EXOC4: variants seen among roughly 807,000 people sequenced by gnomAD.
EXOC4 encodes SEC8-like 1.
In EXOC4, 71 loss-of-function variants were observed where a neutral mutation model predicts 107.2. That is an observed-to-expected ratio of 0.66 (90% confidence interval 0.55 to 0.81). The LOEUF (loss-of-function observed/expected upper bound fraction) is 0.81. EXOC4 is among the 30% of genes least tolerant of loss of function. The probability of loss-of-function intolerance (pLI) is 0.00; values close to 1 mark genes in which losing one functional copy is unlikely to be tolerated. For synonymous variants in EXOC4, 456 were observed against 441.2 expected, an observed-to-expected ratio of 1.03 and a Z score of -0.42; for missense variants, 1,108 against 1,189.6, an observed-to-expected ratio of 0.93 and a Z score of 1.01.
At chr7:134,038,193 CATTCAACTG>C (rs1438836267) in intron 17 of EXOC4, among the ~76,000 whole-genome samples, 1 of 152,196 alleles carries the variant, frequency 6.6e-6, no homozygotes, top group Non-Finnish European at 1.5e-5. Context: ...TGTCTGAACT[CATTCAACTG>C]AGAGGCATCT....
chr7:133,512,168 G>A (rs1185612253), intron 9 of EXOC4, among the ~76,000 whole-genome samples: 3 of 152,302 alleles, frequency 2.0e-5, no homozygotes, highest in South Asian at 2.1e-4. Context: ...GGTGGCTCAC[G>A]CCTGTAATCC....
intron 12 of EXOC4, among the ~76,000 whole-genome samples, chr7:133,912,301 C>G (rs955392559): frequency 2.0e-5 from 3 of 152,100 alleles, no homozygotes; most frequent in African/African-American, 7.2e-5. Context: ...GGAGACTTTC[C>G]AATAATAGGC....
chr7:133,971,355 TATATATAGAGAG>T (rs1274907795), intron 14 of EXOC4, among the ~76,000 whole-genome samples: 22 of 101,708 alleles, frequency 2.2e-4, no homozygotes, highest in Non-Finnish European at 1.1e-4. Flanking sequence ...TATATATATA[TATATATAGAGAG>T]AGAGAGAGAG....
At chr7:133,698,655 A>G (rs928677118) in intron 10 of EXOC4, among the ~76,000 whole-genome samples, 14 of 151,956 alleles carry the variant, frequency 9.2e-5, no homozygotes, top group African/African-American at 3.1e-4. Flanking sequence ...CTATATAACT[A>G]TTTCTTAAAC....
intron 9 of EXOC4, among the ~76,000 whole-genome samples, chr7:133,599,930 C>T (rs1346376352): frequency 5.1e-5 from 6 of 116,986 alleles, no homozygotes; most frequent in Non-Finnish European, 9.8e-5. Context: ...GACAGGGTCT[C>T]ACTCCTGTCT....
chr7:133,338,994 C>T (rs369473678), intron 5 of EXOC4, among the ~76,000 whole-genome samples: 1 of 152,054 alleles, frequency 6.6e-6, no homozygotes, highest in African/African-American at 2.4e-5. Context: ...TCAGGTCATC[C>T]GCCCTCCTTG....
At chr7:133,794,814 TAA>T (rs1375832955) in intron 10 of EXOC4, among the ~76,000 whole-genome samples, 1 of 152,092 alleles carries the variant, frequency 6.6e-6, no homozygotes, top group Non-Finnish European at 1.5e-5. Flanking sequence ...AATTATACTT[TAA>T]GTTTTAGGGT....
intron 11 of EXOC4, among the ~76,000 whole-genome samples, chr7:133,858,311 C>T (rs889128560): frequency 2.0e-5 from 3 of 152,100 alleles, no homozygotes; most frequent in East Asian, 1.9e-4. Context: ...TACCTGCAGA[C>T]GGGCAGTCGT....
intron 10 of EXOC4, among the ~76,000 whole-genome samples, chr7:133,765,831 ACTCT>A (rs1796124026): frequency 6.6e-6 from 1 of 151,770 alleles, no homozygotes. Context: ...TTATTTCCCT[ACTCT>A]CTCTTTTTGT....
chr7:133,472,310 T>C (rs375620157), intron 7 of EXOC4, among the ~76,000 whole-genome samples: 121 of 152,230 alleles, frequency 7.9e-4, no homozygotes, highest in Admixed American at 2.3e-3. Context: ...ACTAAGTTGG[T>C]GGCTGTCAAA....
At chr7:133,835,558 T>G (rs897773603) in intron 11 of EXOC4, among the ~76,000 whole-genome samples, 1 of 152,210 alleles carries the variant, frequency 6.6e-6, no homozygotes, top group African/African-American at 2.4e-5. Context: ...TGACTTTGAA[T>G]AGAATGGGAG....
intron 14 of EXOC4, among the ~76,000 whole-genome samples, chr7:133,944,984 G>T (rs752409173): frequency 1.3e-5 from 2 of 152,106 alleles, no homozygotes; most frequent in Non-Finnish European, 2.9e-5. Flanking sequence ...ACTGTAATGT[G>T]CATTGTTGAC....
At chr7:133,429,391 A>G (rs1584910525) in intron 7 of EXOC4, among the ~76,000 whole-genome samples, 1 of 152,204 alleles carries the variant, frequency 6.6e-6, no homozygotes, top group African/African-American at 2.4e-5. Context: ...GTTACGTATT[A>G]GGACCTAAAT....
chr7:134,072,353 A>G, the EXOC4 span, among the ~76,000 whole-genome samples: 2 of 152,224 alleles, frequency 1.3e-5, no homozygotes, highest in Non-Finnish European at 2.9e-5. Flanking sequence ...CTGAAGAAGT[A>G]ATTAAACCTG....
In EXOC4 at chr7:133,424,597, A is replaced by G. The variant is rs188712552; in HGVS notation, c.1182+49595A>G. 6.8e-4 allele frequency among the ~76,000 whole-genome samples: 103 copies of G among 152,370 alleles called. 1 individual carries two copies. Among genetic ancestry groups the G allele is most frequent in the Admixed American group, 4.6e-3 (71 of 15,310 alleles). On this transcript the variant is annotated intron_variant, in intron 7 of 17. Transcript: ENST00000253861. Reference sequence around the variant, plus strand: ...ACAATAGGTGTTTAGTAACTACTCAATGAATAAATGAATATTTCTCATAAC... The same window carrying G: ...ACAATAGGTGTTTAGTAACTACTCAGTGAATAAATGAATATTTCTCATAAC...
At chr7:133,614,147 T>C (rs1021466543) in intron 9 of EXOC4, among the ~76,000 whole-genome samples, 1 of 150,652 alleles carries the variant, frequency 6.6e-6, no homozygotes, top group African/African-American at 2.4e-5. Context: ...TGCCCTACAC[T>C]GGGGGAAAAA....
chr7:133,465,783 C>T lies in EXOC4; in HGVS notation c.1183-9545C>T, dbSNP rs377067201. 3.9e-5 allele frequency among the ~76,000 whole-genome samples: 6 copies of T among 152,050 alleles called. No individual in the cohort carries two copies. The East Asian group carries it at 7.7e-4, about 20-fold the overall frequency. On this transcript the variant is annotated intron_variant, in intron 7 of 17. Coordinates refer to ENST00000253861, the MANE Select transcript of EXOC4 (RefSeq NM_021807.4). ...TAAGACAACAAACTTCTGAATATAC[C>T]ATGGGTAACAGAAGAAAGACCTAAA...
chr7:133,350,341 A>C (rs1795880900), intron 5 of EXOC4, among the ~76,000 whole-genome samples: 1 of 151,942 alleles, frequency 6.6e-6, no homozygotes, highest in African/African-American at 2.4e-5. Context: ...TTTTGAGTTA[A>C]TTTTTGTATA....
intron 2 of EXOC4, among the ~76,000 whole-genome samples, chr7:133,279,040 A>G (rs540805165): frequency 5.9e-5 from 9 of 151,730 alleles, no homozygotes; most frequent in South Asian, 2.1e-4. Context: ...TCATTGTTCA[A>G]TTCCCACCTA....
Sources: gnomAD v4.1 joint callset for allele counts (sites outside exome capture counted in the v4.1 genomes callset) on GRCh38, gnomAD v4.1.1 for gene constraint, MANE v1.5 for transcripts, NCBI Gene and HGNC (gene_info 2026-07-23, HGNC 2026-07-21) for gene names.